Variants in ORC3 observed in about 807,000 individuals in gnomAD.
ORC3 encodes homolog of latheo, Drosophila.
A neutral mutation model predicts 100.7 loss-of-function variants in ORC3; 78 were observed. That is an observed-to-expected ratio of 0.77 (90% CI 0.65 to 0.94). The LOEUF (loss-of-function observed/expected upper bound fraction) is 0.94. ORC3 is among the 40% of genes least tolerant of loss of function. ORC3 has a pLI of 0.00. For synonymous variants in ORC3, 295 were observed against 289.3 expected (o/e 1.02, Z -0.20); for missense variants, 789 against 823.9 (o/e 0.96, Z 0.52).
chr6:87,618,743 AG>A (rs1186283633), intron 9 of ORC3, among the ~76,000 whole-genome samples: 1 of 152,084 alleles, frequency 6.6e-6, no homozygotes, highest in African/African-American at 2.4e-5. Flanking sequence ...AAAAAAACCT[AG>A]TGACTAAGTA....
chr6:87,639,825 CAAAAAAAAAA>C (rs548788316), intron 13 of ORC3, among the ~76,000 whole-genome samples: 23 of 58,766 alleles, frequency 3.9e-4, no homozygotes, highest in African/African-American at 1.0e-3. Flanking sequence ...GCCAAAAATA[CAAAAAAAAAA>C]AAAAAAAAAA....
At chr6:87,635,098 C>T (rs879089017) in intron 12 of ORC3, 137 bp downstream of exon 12, 21 of 728,160 alleles carry the variant, frequency 2.9e-5, no homozygotes, top group South Asian at 2.8e-4. Flanking sequence ...AAATCCATTC[C>T]AGCTGTAAAC....
At chr6:87,636,357 G>A (rs1317731899) in intron 12 of ORC3, 50 bp from the exon 13 acceptor site, 7 of 1,058,016 alleles carry the variant, frequency 6.6e-6, no homozygotes, top group African/African-American at 3.2e-5. Flanking sequence ...TGCCAAACTA[G>A]TAGTGTGTAT....
At chr6:87,609,040 A>G in intron 6 of ORC3, 56 bp from the exon 7 acceptor site, 4 of 1,441,790 alleles carry the variant, frequency 2.8e-6, no homozygotes, top group Non-Finnish European at 1.9e-6. Context: ...GCATTATAAC[A>G]TTGTTTGAGT....
In ORC3 at chr6:87,653,261, A is replaced by G. The variant is rs755983153; in HGVS notation, c.1516+12A>G. The G allele has an allele frequency of 6.2e-7, 1 of 1,609,888 alleles. No individual in the cohort carries two copies. The highest frequency in any genetic ancestry group is 8.5e-7 in the Non-Finnish European group (1 of 1,177,962). On this transcript the variant is annotated intron_variant, in intron 14 of 19. Transcript: ENST00000392844. ...TCAGAGCCTCGATGGTAAGAGTGTA[A>G]TATCCTTCCAATTCTATTGGCCATG...
At chr6:87,596,173 G>C (rs1236097545) in intron 2 of ORC3, among the ~76,000 whole-genome samples, 1 of 131,264 alleles carries the variant, frequency 7.6e-6, no homozygotes, top group Non-Finnish European at 1.6e-5. Flanking sequence ...TTTTTTTTTT[G>C]AGACGGAGTC....
intron 11 of ORC3, among the ~76,000 whole-genome samples, chr6:87,627,189 G>C (rs1779973511): frequency 6.6e-6 from 1 of 150,734 alleles, no homozygotes; most frequent in Non-Finnish European, 1.5e-5. Flanking sequence ...AGTAGAGACA[G>C]GGTTTCACCA....
chr6:87,619,320 CAG>C (rs1184875313), intron 9 of ORC3, among the ~76,000 whole-genome samples: 2 of 152,202 alleles, frequency 1.3e-5, no homozygotes, highest in African/African-American at 4.8e-5. Context: ...ATAAAGCAAT[CAG>C]ATTAGATGAT....
chr6:87,627,299 T>C (rs961096535), intron 11 of ORC3, among the ~76,000 whole-genome samples: 28 of 94,532 alleles, frequency 3.0e-4, no homozygotes, highest in African/African-American at 9.7e-4. Flanking sequence ...GCGCCCAGCT[T>C]TTTTTTTTTT....
intron 11 of ORC3, among the ~76,000 whole-genome samples, chr6:87,633,846 A>G (rs1767613090): frequency 6.6e-6 from 1 of 152,186 alleles, no homozygotes; most frequent in South Asian, 2.1e-4. Flanking sequence ...ATAGGATATA[A>G]TGTTTTAAAA....
chr6:87,650,471 A>T (rs1327183893), intron 13 of ORC3, among the ~76,000 whole-genome samples: 1 of 152,096 alleles, frequency 6.6e-6, no homozygotes, highest in Non-Finnish European at 1.5e-5. Flanking sequence ...TTCTTAATTT[A>T]TTGTAGCATC....
chr6:87,664,785 G>A lies in ORC3; in HGVS notation c.1876G>A (p.Ala626Thr), dbSNP rs28381545. 17 of 1,613,910 alleles carry A rather than the reference G, an allele frequency of 1.1e-5. No individual in the cohort carries two copies. Among genetic ancestry groups the A allele is most frequent in the Admixed American group, 6.7e-5 (4 of 59,984 alleles). Reference sequence around the variant, plus strand: ...CGAAGAAGGCTGCATTCCGAATATCGCCCCAGACATCTGCATAGCATACAA... The same window carrying A: ...CGAAGAAGGCTGCATTCCGAATATCACCCCAGACATCTGCATAGCATACAA... The part of the protein sequence containing the change: ...KSEEGCIPNI[A>T]PDICIAYKLH... The change falls in exon 18 of 20, where the codon GCC becomes ACC. Residue 626 changes from alanine (A) to threonine (T), a missense_variant. By Grantham distance (58) the Ala-to-Thr change is moderately conservative (BLOSUM62 0). Around this residue, in one of 3 missense-constraint regions of ORC3, gnomAD observed 366 missense variants for 394.2 expected, o/e 0.93. Transcript: ENST00000392844.
At chr6:87,636,363 T>G (rs768776534) in intron 12 of ORC3, 44 bp from the exon 13 acceptor site, 39 of 1,141,724 alleles carry the variant, frequency 3.4e-5, no homozygotes, top group Non-Finnish European at 5.1e-5. Context: ...ACTAGTAGTG[T>G]GTATACACTT....
Position 87,653,253 on chromosome 6 carries a change from A to G in ORC3, c.1516+4A>G. 4.3e-6 allele frequency: 7 copies of G among 1,612,748 alleles called. No homozygotes were observed. The highest frequency in any genetic ancestry group is 5.9e-6 in the Non-Finnish European group (7 of 1,179,330). ...GCCCAGTTTCAGAGCCTCGATGGTAAGAGTGTAATATCCTTCCAATTCTAT... is the reference window on the plus strand; with the variant it reads ...GCCCAGTTTCAGAGCCTCGATGGTAGGAGTGTAATATCCTTCCAATTCTAT... On this transcript the variant is annotated splice_donor_region_variant and intron_variant, in intron 14 of 19. Coordinates refer to ENST00000392844, the MANE Select transcript of ORC3 (RefSeq NM_012381.4).
intron 6 of ORC3, among the ~76,000 whole-genome samples, chr6:87,608,428 T>C (rs1264060151): frequency 6.6e-6 from 1 of 151,722 alleles, no homozygotes; most frequent in Non-Finnish European, 1.5e-5. Flanking sequence ...TCTTAGGTTA[T>C]GGTGCTGTGT....
At chr6:87,675,326 A>C in the ORC3 span, 4 of 501,108 alleles carry the variant, frequency 8.0e-6, no homozygotes, top group Admixed American at 3.4e-5. Flanking sequence ...AATCCTTTTC[A>C]AACATTAATA....
chr6:87,598,656 G>A (rs1582999954), intron 2 of ORC3, among the ~76,000 whole-genome samples: 1 of 150,756 alleles, frequency 6.6e-6, no homozygotes, highest in African/African-American at 2.4e-5. Context: ...AAGTTTGCTA[G>A]GCTTTTTTTT....
chr6:87,616,430 A>G lies in ORC3; in HGVS notation c.987+3A>G. ...AAAACTTTATAAAAGGACTTCAGGT[A>G]AGAACACAGTAATGGGTTTGAAAAT... On this transcript the variant is annotated splice_donor_region_variant and intron_variant, in intron 9 of 19. Transcript: ENST00000392844. 2 of 1,157,822 alleles carry G rather than the reference A, an allele frequency of 1.7e-6. No homozygotes were observed. Among genetic ancestry groups the G allele is most frequent in the Non-Finnish European group, 1.3e-6 (1 of 766,096 alleles). The allele number at this position is 1,157,822 out of a possible 1,614,324, so 71.7% of individuals were successfully genotyped here. A position where few individuals can be genotyped will look rare whatever the true frequency, so the allele number is the denominator to read the frequency against.
the ORC3 span, chr6:87,675,987 T>TA: frequency 6.8e-7 from 1 of 1,468,662 alleles, no homozygotes; most frequent in Middle Eastern, 2.1e-4. Flanking sequence ...TAGAGCCAGA[T>TA]AAACTGAAAA....
Sources: allele counts gnomAD v4.1 joint callset (sites outside exome capture counted in the v4.1 genomes callset), GRCh38; gene constraint gnomAD v4.1.1; regional missense constraint gnomAD v4.1.1; transcripts MANE v1.5; gene names NCBI Gene and HGNC (gene_info 2026-07-23, HGNC 2026-07-21).